Variants in CADPS observed in about 807,000 individuals in gnomAD.
The protein encoded by CADPS is calcium dependent secretion activator.
In CADPS, 57 loss-of-function variants were observed where a neutral mutation model predicts 167.3. That is an observed-to-expected ratio of 0.34 (90% CI 0.28 to 0.42). The LOEUF (loss-of-function observed/expected upper bound fraction) is 0.42, where lower values mean the gene tolerates loss of function less well. CADPS is among the 20% of genes least tolerant of loss of function. The pLI is 1.00. For missense variants in CADPS, 1,414 were observed against 1,738.1 expected, an observed-to-expected ratio of 0.81 and a Z score of 3.32; for synonymous variants, 676 against 635.3, an observed-to-expected ratio of 1.06 and a Z score of -0.96.
Position 62,753,676 on chromosome 3 carries a change from C to G in CADPS, c.653G>C (p.Arg218Thr). 7.4e-6 allele frequency: 12 copies of G among 1,614,228 alleles called. No individual in the cohort carries two copies. Among genetic ancestry groups the G allele is most frequent in the Non-Finnish European group, 1.0e-5 (12 of 1,180,046 alleles). ...REVFKKHIEK[R>T]VRSLPEIDGL... ...GTCAATCTCAGGCAGGCTGCGCACT[C>G]TCTTCTCAATGTGCTTCTTGAAGAC... Residue 218 changes from arginine to threonine, a missense_variant, in exon 3 of 30, where the codon AGA becomes ACA. Coordinates refer to ENST00000383710, the MANE Select transcript of CADPS (RefSeq NM_003716.4). This position sits in a 1 kb window ranked among gnomAD's most constrained non-coding sequence, Gnocchi z 4.6.
intron 24 of CADPS, among the ~76,000 whole-genome samples, chr3:62,470,400 C>T (rs2060447771): frequency 6.6e-6 from 1 of 152,192 alleles, no homozygotes; most frequent in East Asian, 1.9e-4. Context: ...CTATTCTTAT[C>T]CCAGTTCCAG....
intron 1 of CADPS, among the ~76,000 whole-genome samples, chr3:62,803,421 G>A (rs2093899879): frequency 6.6e-6 from 1 of 150,876 alleles, no homozygotes; most frequent in African/African-American, 2.4e-5. Context: ...GGAAAAGTCT[G>A]GACATATTTT....
chr3:62,794,793 A>AAAAAAAAAAAAAAAAAAAAG lies in CADPS; in HGVS notation c.442-28810_442-28809insCTTTTTTTTTTTTTTTTTTT, dbSNP rs1553689817. Among the ~76,000 whole-genome samples the AAAAAAAAAAAAAAAAAAAAG allele has an allele frequency of 3.7e-5, 5 of 136,692 alleles. 1 individual carries two copies. Among genetic ancestry groups the AAAAAAAAAAAAAAAAAAAAG allele is most frequent in the African/African-American group, 1.7e-4 (5 of 28,608 alleles). The allele number at this position is 136,692 out of a possible 152,430, so 89.7% of individuals were successfully genotyped here. A position where few individuals can be genotyped will look rare whatever the true frequency, so the allele number is the denominator to read the frequency against. ...CGCAAGGTGGTAAAAAAAAAAAAAA[A>AAAAAAAAAAAAAAAAAAAAG]AAAAAAAAAATGCAAGAGCTCTTCC... On this transcript the variant is annotated intron_variant, in intron 1 of 29. Transcript: ENST00000383710.
chr3:62,638,140 G>A (rs934680896), intron 6 of CADPS, among the ~76,000 whole-genome samples: 7 of 150,486 alleles, frequency 4.7e-5, no homozygotes, highest in African/African-American at 1.5e-4. Flanking sequence ...TGGAAATGGA[G>A]GCACAAAGAG....
At chr3:62,792,924 T>G (rs2093073712) in intron 1 of CADPS, among the ~76,000 whole-genome samples, 2 of 152,114 alleles carry the variant, frequency 1.3e-5, no homozygotes, top group African/African-American at 4.8e-5. Flanking sequence ...TAACTTAGTT[T>G]TGGGAGAAGG....
At chr3:62,820,785 C>CT (rs200507595) in intron 1 of CADPS, among the ~76,000 whole-genome samples, 14,205 of 76,666 alleles carry the variant, frequency 0.19, 987 homozygotes, top group South Asian at 0.23. Context: ...CTTTCTTCCT[C>CT]TTTTTTTTGG....
At chr3:62,802,563 A>C (rs947926753) in intron 1 of CADPS, among the ~76,000 whole-genome samples, 25 of 152,148 alleles carry the variant, frequency 1.6e-4, no homozygotes, top group African/African-American at 5.8e-4. Context: ...TGAATCAGTG[A>C]ATCTCTGGCT....
intron 28 of CADPS, among the ~76,000 whole-genome samples, chr3:62,405,831 G>A (rs1180707368): frequency 6.6e-6 from 1 of 152,216 alleles, no homozygotes; most frequent in Admixed American, 6.5e-5. Flanking sequence ...GAAATTGGAG[G>A]CACTTTTGGA....
At chr3:62,845,043 C>A (rs2077189798) in intron 1 of CADPS, among the ~76,000 whole-genome samples, 1 of 152,156 alleles carries the variant, frequency 6.6e-6, no homozygotes, top group Non-Finnish European at 1.5e-5. Flanking sequence ...CAGGGTGGTA[C>A]TTTTAGCTCT....
chr3:62,717,664 T>A lies in CADPS; in HGVS notation c.888+35777A>T, dbSNP rs147275199. ...CTCAATATCACAAGACACCATCATC[T>A]CTCACTGCATCAGATTCCTACCTGG... is the stretch of plus-strand genomic sequence containing the variant. On this transcript the variant is annotated intron_variant, in intron 3 of 29. Transcript: ENST00000383710. Among the ~76,000 whole-genome samples the A allele has an allele frequency of 1.6e-3, 239 of 152,266 alleles. 1 individual carries two copies. Among genetic ancestry groups the A allele is most frequent in the South Asian group, 2.1e-3 (10 of 4,820 alleles).
At chr3:62,408,281 T>C (rs904776166) in intron 28 of CADPS, among the ~76,000 whole-genome samples, 5 of 152,212 alleles carry the variant, frequency 3.3e-5, no homozygotes, top group Non-Finnish European at 7.3e-5. Flanking sequence ...ATCTTGTCTT[T>C]AATGAAAATT....
intron 3 of CADPS, among the ~76,000 whole-genome samples, chr3:62,727,376 G>T (rs925019): frequency 0.23 from 34,397 of 151,712 alleles, 4,411 homozygotes; most frequent in African/African-American, 0.31. Context: ...TCATTTATAT[G>T]AAGTTCAAAA....
chr3:62,689,747 T>G (rs187134622), intron 3 of CADPS, among the ~76,000 whole-genome samples: 1 of 152,180 alleles, frequency 6.6e-6, no homozygotes, highest in East Asian at 1.9e-4. Flanking sequence ...TCCTTCTGGT[T>G]GTTAAATCAA....
chr3:62,535,052 C>T (rs1324489035), intron 12 of CADPS, among the ~76,000 whole-genome samples: 2 of 151,492 alleles, frequency 1.3e-5, no homozygotes, highest in East Asian at 3.9e-4. Flanking sequence ...AATAATATAC[C>T]TCAAAAAAAT....
Position 62,777,240 on chromosome 3 carries a change from G to A in CADPS, c.442-11256C>T, listed in dbSNP as rs542794863. On this transcript the variant is annotated intron_variant, in intron 1 of 29. Coordinates refer to ENST00000383710, the MANE Select transcript of CADPS (RefSeq NM_003716.4). ...CTGAAAATATCTGAATGCAGTCTATGTACAGGTTATATGTGACGCTAATGT... is the reference window on the plus strand; with the variant it reads ...CTGAAAATATCTGAATGCAGTCTATATACAGGTTATATGTGACGCTAATGT... Among the ~76,000 whole-genome samples the A allele has an allele frequency of 1.4e-3, 209 of 152,146 alleles. 3 individuals carry two copies. Among genetic ancestry groups the A allele is most frequent in the African/African-American group, 4.9e-3 (202 of 41,496 alleles).
intron 24 of CADPS, among the ~76,000 whole-genome samples, chr3:62,466,893 T>C (rs1220950867): frequency 6.6e-6 from 1 of 152,160 alleles, no homozygotes; most frequent in Non-Finnish European, 1.5e-5. Context: ...CTCAGGTTCT[T>C]TGGGTTAATA....
chr3:62,444,647 A>G (rs1560467546), intron 27 of CADPS, among the ~76,000 whole-genome samples: 2 of 152,232 alleles, frequency 1.3e-5, no homozygotes, highest in Non-Finnish European at 1.5e-5. Context: ...TATCATATAA[A>G]TTCAAAGCAT....
In CADPS at chr3:62,466,374, T is replaced by C; in HGVS notation, c.3517A>G (p.Thr1173Ala). ...AAGAGTGTTATCATTTCTTTAACAG[T>C]TTCTTCAATTAGTTCGTCTATTTTT... ...HSKIDELIEE[T>A]VKEMITLLVA... The change falls in exon 25 of 30, where the codon ACT becomes GCT. Residue 1173 changes from threonine to alanine, a missense_variant. Around this residue, in one of 6 missense-constraint regions of CADPS, gnomAD observed 185 missense variants for 251.5 expected, o/e 0.74. Coordinates refer to ENST00000383710, the MANE Select transcript of CADPS (RefSeq NM_003716.4). The C allele has an allele frequency of 6.2e-7, 1 of 1,612,196 alleles. No individual in the cohort carries two copies. Among genetic ancestry groups the C allele is most frequent in the Non-Finnish European group, 8.5e-7 (1 of 1,178,394 alleles).
At chr3:62,706,195 T>C (rs6445290) in intron 3 of CADPS, among the ~76,000 whole-genome samples, 99,236 of 151,992 alleles carry the variant, frequency 0.65, 32,744 homozygotes, top group East Asian at 0.84. Flanking sequence ...AAGACTTGAA[T>C]GGCACCTCTC....
Sources: allele counts gnomAD v4.1 joint callset (sites outside exome capture counted in the v4.1 genomes callset), GRCh38; gene constraint gnomAD v4.1.1; regional missense constraint gnomAD v4.1.1; non-coding constraint Gnocchi (gnomAD v3.1); transcripts MANE v1.5; gene names NCBI Gene and HGNC (gene_info 2026-07-23, HGNC 2026-07-21).